The following MAGI2 variants were observed in gnomAD, a reference collection of about 807,000 sequenced individuals.
The protein encoded by MAGI2 is membrane associated guanylate kinase, WW and PDZ domain containing 2, also known as membrane-associated guanylate kinase, WW and PDZ domain-containing protein 2.
In MAGI2, 35 loss-of-function variants were observed where a neutral mutation model predicts 133.3. That is an observed-to-expected ratio of 0.26 (90% CI 0.20 to 0.35). The LOEUF (loss-of-function observed/expected upper bound fraction) is 0.35, where lower values mean the gene tolerates loss of function less well. Ranked by LOEUF, MAGI2 falls within the 10% of genes least tolerant of loss-of-function variation. MAGI2 has a pLI of 1.00. For missense variants in MAGI2, 1,636 were observed against 1,863.4 expected, an observed-to-expected ratio of 0.88 and a Z score of 2.25; for synonymous variants, 729 against 710.6, an observed-to-expected ratio of 1.03 and a Z score of -0.41.
chr7:78,428,865 G>C (rs1056391845), intron 6 of MAGI2, among the ~76,000 whole-genome samples: 16 of 152,166 alleles, frequency 1.1e-4, no homozygotes, highest in African/African-American at 3.4e-4. Context: ...AGTGATTCAA[G>C]CTTCAGAGAC....
chr7:78,252,961 CA>C (rs1792578003), intron 10 of MAGI2: 1 of 54,702 alleles, frequency 1.8e-5, no homozygotes, highest in African/African-American at 9.3e-5. Flanking sequence ...AAAAAAAAAA[CA>C]ATGGGCAGCT....
At chr7:79,094,462 A>G (rs1817350849) in intron 1 of MAGI2, among the ~76,000 whole-genome samples, 1 of 152,194 alleles carries the variant, frequency 6.6e-6, no homozygotes, top group Non-Finnish European at 1.5e-5. Flanking sequence ...CTGAACTGTT[A>G]ATGTCAATAT....
intron 6 of MAGI2, among the ~76,000 whole-genome samples, chr7:78,480,658 A>T (rs182806768): frequency 4.0e-4 from 61 of 152,072 alleles, no homozygotes; most frequent in African/African-American, 1.4e-3. Flanking sequence ...AGTTGAAAAT[A>T]GTCTATGTAG....
chr7:78,890,388 C>A (rs1424639399), intron 2 of MAGI2, among the ~76,000 whole-genome samples: 1 of 152,194 alleles, frequency 6.6e-6, no homozygotes, highest in East Asian at 1.9e-4. Context: ...TAATAGACAT[C>A]TACAGAACTC....
intron 2 of MAGI2, among the ~76,000 whole-genome samples, chr7:78,843,329 T>C (rs1371498175): frequency 6.6e-6 from 1 of 151,940 alleles, no homozygotes; most frequent in African/African-American, 2.4e-5. Context: ...AGTACAATCC[T>C]TAATGAGATC....
At chr7:78,460,217 G>A (rs879531391) in intron 6 of MAGI2, among the ~76,000 whole-genome samples, 1 of 152,160 alleles carries the variant, frequency 6.6e-6, no homozygotes, top group Non-Finnish European at 1.5e-5. Context: ...TAGCCAAAAG[G>A]TCTGCTGGCA....
At chr7:78,077,442 A>T (rs565897952) in intron 21 of MAGI2, among the ~76,000 whole-genome samples, 1 of 151,370 alleles carries the variant, frequency 6.6e-6, no homozygotes, top group South Asian at 2.1e-4. Flanking sequence ...TATTAGATCC[A>T]AGCATTAAGG....
chr7:78,743,121 G>A (rs573731301), intron 2 of MAGI2, among the ~76,000 whole-genome samples: 4 of 152,280 alleles, frequency 2.6e-5, no homozygotes, highest in East Asian at 1.9e-4. Flanking sequence ...AATGATTATC[G>A]CTGTTTTAAA....
At chr7:78,604,514 T>A (rs529075850) in intron 3 of MAGI2, among the ~76,000 whole-genome samples, 2 of 152,182 alleles carry the variant, frequency 1.3e-5, no homozygotes, top group Admixed American at 6.6e-5. Context: ...TGAAATTCAT[T>A]CACTAAGCAA....
intron 6 of MAGI2, among the ~76,000 whole-genome samples, chr7:78,414,631 T>TGA (rs1164328863): frequency 6.6e-6 from 1 of 152,070 alleles, no homozygotes; most frequent in Non-Finnish European, 1.5e-5. Flanking sequence ...TACACATACA[T>TGA]GAGCGTGCAC....
At chr7:78,380,606 G>A (rs1325838685) in intron 6 of MAGI2, among the ~76,000 whole-genome samples, 2 of 152,084 alleles carry the variant, frequency 1.3e-5, no homozygotes, top group Non-Finnish European at 2.9e-5. Flanking sequence ...GGTAAGGGTA[G>A]CAGAGGAAGG....
chr7:78,755,256 G>A (rs76082349), intron 2 of MAGI2, among the ~76,000 whole-genome samples: 1,748 of 152,254 alleles, frequency 0.011, 42 homozygotes, highest in African/African-American at 0.04. Flanking sequence ...ACAGAAATTA[G>A]GAGTCTTGGA....
chr7:79,123,093 G>A (rs2129544772), intron 1 of MAGI2, among the ~76,000 whole-genome samples: 1 of 152,248 alleles, frequency 6.6e-6, no homozygotes, highest in African/African-American at 2.4e-5. Context: ...TGCTCCTAAA[G>A]AATTTGTGGA....
chr7:78,952,792 AC>A (rs1238902415), intron 2 of MAGI2, among the ~76,000 whole-genome samples: 1 of 152,204 alleles, frequency 6.6e-6, no homozygotes, highest in Non-Finnish European at 1.5e-5. Flanking sequence ...GGTTTGCAAA[AC>A]ATCCTGATAT....
intron 9 of MAGI2, among the ~76,000 whole-genome samples, chr7:78,299,633 C>T (rs953261854): frequency 6.6e-6 from 1 of 151,978 alleles, no homozygotes; most frequent in Non-Finnish European, 1.5e-5. Context: ...GGTACATGTA[C>T]AAGATGTACA....
At chr7:78,302,030 C>T (rs1562787251) in intron 9 of MAGI2, among the ~76,000 whole-genome samples, 1 of 152,016 alleles carries the variant, frequency 6.6e-6, no homozygotes, top group Admixed American at 6.6e-5. Flanking sequence ...GAGTGCTAGC[C>T]AAATGTTAGT....
chr7:79,089,822 A>T (rs560501151), intron 1 of MAGI2, among the ~76,000 whole-genome samples: 12 of 152,200 alleles, frequency 7.9e-5, no homozygotes, highest in African/African-American at 2.9e-4. Context: ...GGAAGGGAAC[A>T]TCACACACTG....
chr7:78,521,664 C>T lies in MAGI2; in HGVS notation c.539-19G>A. On this transcript the variant is annotated intron_variant, in intron 3 of 21. Transcript: ENST00000354212. The stretch of plus-strand genomic sequence containing the variant: ...TAATTGTCTGCAAACAATACCAAAA[C>T]ATTCTTGGAGTTAAATATTTCTTCT... 1 of 1,601,208 alleles carries T rather than the reference C, an allele frequency of 6.2e-7. No homozygotes were observed.
chr7:79,229,519 A>G (rs1007002347), intron 1 of MAGI2, among the ~76,000 whole-genome samples: 3 of 152,184 alleles, frequency 2.0e-5, no homozygotes, highest in Admixed American at 6.5e-5. Context: ...TGAATCAGTT[A>G]CCATCCCGGA....
Sources: allele counts gnomAD v4.1 joint callset (sites outside exome capture counted in the v4.1 genomes callset), GRCh38; gene constraint gnomAD v4.1.1; transcripts MANE v1.5; gene names NCBI Gene and HGNC (gene_info 2026-07-23, HGNC 2026-07-21).